Variants in NXN observed in about 807,000 individuals in gnomAD.
NXN encodes nucleoredoxin 1.
NXN carries 16 observed loss-of-function variants against 48.6 expected under a neutral mutation model. The observed-to-expected ratio is 0.33, with a 90% confidence interval of 0.22 to 0.50. The LOEUF (loss-of-function observed/expected upper bound fraction) is 0.50, where lower values mean the gene tolerates loss of function less well. NXN is among the 20% of genes least tolerant of loss of function. The pLI, the probability that NXN is intolerant of heterozygous loss-of-function variation, is 0.98. For synonymous variants in NXN, 281 were observed against 269.6 expected (o/e 1.04, Z -0.41); for missense variants, 492 against 605.5 (o/e 0.81, Z 1.97).
At chr17:842,297 C>T (rs1021566993) in intron 1 of NXN, among the ~76,000 whole-genome samples, 2 of 152,194 alleles carry the variant, frequency 1.3e-5, no homozygotes, top group East Asian at 1.9e-4. Flanking sequence ...GAATTTTATA[C>T]AGAAACAGTC....
At chr17:812,676 G>GTAGGTGTGTGCGAGTA (rs1912161947) in intron 5 of NXN, among the ~76,000 whole-genome samples, 1 of 151,766 alleles carries the variant, frequency 6.6e-6, no homozygotes, top group Admixed American at 6.6e-5. Context: ...GTGTGTGAGT[G>GTAGGTGTGTGCGAGTA]TAGGTGTGTG....
intron 1 of NXN, among the ~76,000 whole-genome samples, chr17:967,360 C>G (rs948446375): frequency 2.0e-5 from 3 of 152,198 alleles, no homozygotes; most frequent in African/African-American, 7.2e-5. Context: ...GAGGCCAGGG[C>G]GCAGAGACAG....
At chr17:847,173 C>T (rs2067872766) in intron 1 of NXN, among the ~76,000 whole-genome samples, 2 of 152,066 alleles carry the variant, frequency 1.3e-5, no homozygotes, top group South Asian at 4.1e-4. Context: ...GCCACTAGCA[C>T]TCGGCACAGC....
intron 1 of NXN, among the ~76,000 whole-genome samples, chr17:963,838 G>A (rs1249341273): frequency 2.0e-5 from 3 of 152,168 alleles, no homozygotes; most frequent in Non-Finnish European, 4.4e-5. Flanking sequence ...AGCACTTTGG[G>A]AGGCCGAGGA....
At chr17:843,226 G>C (rs1362168249) in intron 1 of NXN, among the ~76,000 whole-genome samples, 1 of 152,358 alleles carries the variant, frequency 6.6e-6, no homozygotes, top group Admixed American at 6.5e-5. Flanking sequence ...CCCGTTGGCT[G>C]CTGGCGTGGG....
intron 1 of NXN, among the ~76,000 whole-genome samples, chr17:829,468 T>TG (rs1310165500): frequency 6.6e-6 from 1 of 151,642 alleles, no homozygotes; most frequent in Non-Finnish European, 1.5e-5. Flanking sequence ...CTTTTTTTTT[T>TG]TTTTTTTAAA....
intron 1 of NXN, among the ~76,000 whole-genome samples, chr17:943,721 G>GA (rs2069008737): frequency 6.6e-6 from 1 of 151,544 alleles, no homozygotes; most frequent in Admixed American, 6.6e-5. Flanking sequence ...ACGACTCGGG[G>GA]GGCTGAGACA....
At chr17:855,324 A>G (rs1567835556) in intron 1 of NXN, among the ~76,000 whole-genome samples, 2 of 152,188 alleles carry the variant, frequency 1.3e-5, no homozygotes, top group Non-Finnish European at 2.9e-5. Flanking sequence ...GAATAAGAAG[A>G]GAGGCAGCCT....
intron 1 of NXN, among the ~76,000 whole-genome samples, chr17:914,185 C>T (rs2068663215): frequency 2.0e-5 from 1 of 49,682 alleles, no homozygotes; most frequent in South Asian, 6.3e-4. Flanking sequence ...CAGGCGCCCG[C>T]CACCACGCCC....
intron 6 of NXN, 44 bp downstream of exon 6, chr17:805,024 G>GCCCCCCACCCCCCCCAC: frequency 7.2e-7 from 1 of 1,380,618 alleles, no homozygotes. Context: ...CTCCTGTCCC[G>GCCCCCCACCCCCCCCAC]CCCCCCAGCC....
chr17:821,830 C>T (rs956706991), intron 4 of NXN, among the ~76,000 whole-genome samples: 1 of 151,800 alleles, frequency 6.6e-6, no homozygotes, highest in East Asian at 1.9e-4. Flanking sequence ...TTCCATCCTC[C>T]CCCTTCCTCC....
chr17:841,243 A>G (rs1161269705), intron 1 of NXN, among the ~76,000 whole-genome samples: 2 of 152,220 alleles, frequency 1.3e-5, no homozygotes, highest in Admixed American at 6.5e-5. Context: ...CAGAAAGTCC[A>G]TGCCAGGGCA....
At position 978,512 on chromosome 17, in the gene NXN, AG is replaced by A. The variant is rs977997326; in HGVS notation, c.360+806del. 2 of 152,542 alleles carry A rather than the reference AG, an allele frequency of 1.3e-5. No homozygotes were observed. The highest frequency in any genetic ancestry group is 2.9e-5 in the Non-Finnish European group (2 of 68,164). The allele number at this position is 152,542 out of a possible 1,614,324, so 9.4% of individuals were successfully genotyped here. A position where few individuals can be genotyped will look rare whatever the true frequency, so the allele number is the denominator to read the frequency against. Reference sequence around the variant, plus strand: ...CTTAACTCGAAGACCCCGGGACCACAGGGGCCACCACGCAGCTGAGCTCTGC... The same window carrying A: ...CTTAACTCGAAGACCCCGGGACCACAGGGCCACCACGCAGCTGAGCTCTGC... On this transcript the variant is annotated intron_variant, in intron 1 of 7. Coordinates refer to ENST00000336868, the MANE Select transcript of NXN (RefSeq NM_022463.5). The surrounding 1 kb of genome is among the most constrained non-coding windows in gnomAD (Gnocchi z 4.1).
intron 1 of NXN, among the ~76,000 whole-genome samples, chr17:949,975 G>A (rs2069091347): frequency 6.6e-6 from 1 of 152,090 alleles, no homozygotes; most frequent in Non-Finnish European, 1.5e-5. Context: ...CCCAGGTCCT[G>A]GTCCTCCTTG....
At chr17:927,909 C>T (rs984958709) in intron 1 of NXN, among the ~76,000 whole-genome samples, 5 of 152,072 alleles carry the variant, frequency 3.3e-5, no homozygotes, top group African/African-American at 9.7e-5. Context: ...CCTGGACTCT[C>T]ACCAACCCCA....
intron 1 of NXN, among the ~76,000 whole-genome samples, chr17:944,171 A>G (rs1053482375): frequency 5.3e-5 from 8 of 150,342 alleles, no homozygotes; most frequent in Non-Finnish European, 8.9e-5. Flanking sequence ...CCCAGGAGGC[A>G]GAGGTTGCAG....
chr17:817,526 C>T (rs904586761), intron 5 of NXN, among the ~76,000 whole-genome samples: 6 of 151,806 alleles, frequency 4.0e-5, no homozygotes, highest in Admixed American at 6.6e-5. Flanking sequence ...AAAATTTAGC[C>T]GGGCGTGTGG....
intron 1 of NXN, among the ~76,000 whole-genome samples, chr17:854,894 G>A (rs2067969066): frequency 1.3e-5 from 2 of 151,978 alleles, no homozygotes; most frequent in Admixed American, 1.3e-4. Context: ...AGGAGGCGGA[G>A]GTTGCAGTGA....
chr17:868,772 G>A (rs1219953557), intron 1 of NXN, among the ~76,000 whole-genome samples: 2 of 152,192 alleles, frequency 1.3e-5, no homozygotes, highest in Non-Finnish European at 2.9e-5. Context: ...GATGACAGGC[G>A]TGAGCCACCG....
Sources: gnomAD v4.1 joint callset for allele counts (sites outside exome capture counted in the v4.1 genomes callset) on GRCh38, gnomAD v4.1.1 for gene constraint, Gnocchi (gnomAD v3.1) non-coding constraint, MANE v1.5 for transcripts, NCBI Gene and HGNC (gene_info 2026-07-23, HGNC 2026-07-21) for gene names.